Variants in AATF observed in about 807,000 individuals in gnomAD.
AATF encodes the protein protein AATF.
In AATF, 48 loss-of-function variants were observed where a neutral mutation model predicts 63.7. That is an observed-to-expected ratio of 0.75 (90% CI 0.60 to 0.96). AATF has a LOEUF of 0.96. AATF is among the 40% of genes least tolerant of loss of function. AATF has a pLI of 0.00. For missense variants in AATF, 639 were observed against 685.7 expected (o/e 0.93, Z 0.76); for synonymous variants, 258 against 247.7 (o/e 1.04, Z -0.39).
intron 8 of AATF, among the ~76,000 whole-genome samples, chr17:37,001,459 A>G (rs867849455): frequency 2.2e-4 from 27 of 122,786 alleles, no homozygotes; most frequent in Admixed American, 5.8e-4. Context: ...AAGGAAGAAA[A>G]AAAAAAAAAA....
intron 1 of AATF, among the ~76,000 whole-genome samples, chr17:36,949,443 C>G (rs1211656718): frequency 6.6e-6 from 1 of 152,238 alleles, no homozygotes; most frequent in Non-Finnish European, 1.5e-5. Context: ...CGGAACAGAT[C>G]GAGGGCTCAG....
At chr17:37,041,235 A>G (rs1237084312) in intron 11 of AATF, among the ~76,000 whole-genome samples, 1 of 152,178 alleles carries the variant, frequency 6.6e-6, no homozygotes, top group Non-Finnish European at 1.5e-5. Context: ...TTTTAAAAGC[A>G]TTTTAATAAC....
intron 8 of AATF, among the ~76,000 whole-genome samples, chr17:36,995,071 A>G (rs2071244304): frequency 6.6e-6 from 1 of 152,232 alleles, no homozygotes; most frequent in African/African-American, 2.4e-5. Context: ...TTAGATGTTG[A>G]CAGATCAATA....
chr17:36,960,824 G>C (rs1183466146), intron 4 of AATF, among the ~76,000 whole-genome samples: 1 of 152,226 alleles, frequency 6.6e-6, no homozygotes, highest in Non-Finnish European at 1.5e-5. Flanking sequence ...CCAAGATGAT[G>C]TGAGTAAGAT....
At chr17:36,966,092 G>T (rs1415658597) in intron 4 of AATF, among the ~76,000 whole-genome samples, 4 of 151,730 alleles carry the variant, frequency 2.6e-5, no homozygotes, top group Admixed American at 6.6e-5. Context: ...CATTTTCTCT[G>T]TTCTCCTAGA....
intron 11 of AATF, among the ~76,000 whole-genome samples, chr17:37,039,598 A>AC (rs1274987239): frequency 2.0e-5 from 3 of 151,910 alleles, no homozygotes; most frequent in East Asian, 1.9e-4. Flanking sequence ...CACACGTTTG[A>AC]CCCCCCAGCA....
Position 36,953,101 on chromosome 17 carries a change from C to T in AATF, c.499C>T (p.Leu167Phe). 2 of 1,614,052 alleles carry T rather than the reference C, an allele frequency of 1.2e-6. No homozygotes were observed. Among genetic ancestry groups the T allele is most frequent in the Admixed American group, 1.7e-5 (1 of 60,006 alleles). Residue 167 changes from leucine to phenylalanine, a missense_variant, in exon 3 of 12, where the codon CTT (leucine) becomes TTT (phenylalanine). Leu to Phe is a conservative substitution (Grantham distance 22, BLOSUM62 0). Coordinates refer to ENST00000619387, the MANE Select transcript of AATF (RefSeq NM_012138.4). ...FEKFTKGMDD[L>F]GSSEEEEDEE... ...GAAATTTACCAAGGGAATGGATGAC[C>T]TTGGGAGCAGTGAGGAGGAGGAAGA...
chr17:37,027,612 A>C (rs2071520417), intron 10 of AATF, among the ~76,000 whole-genome samples: 1 of 152,228 alleles, frequency 6.6e-6, no homozygotes, highest in African/African-American at 2.4e-5. Flanking sequence ...AAAAAGAAAA[A>C]GATGAACTTA....
intron 11 of AATF, chr17:37,045,390 C>G (rs1164159931): frequency 2.0e-5 from 3 of 152,316 alleles, no homozygotes; most frequent in Admixed American, 1.3e-4. Context: ...AGCCATGGGC[C>G]CCAGGGTGTT....
At chr17:37,037,511 A>G (rs1261609311) in intron 11 of AATF, among the ~76,000 whole-genome samples, 2 of 152,152 alleles carry the variant, frequency 1.3e-5, no homozygotes, top group Non-Finnish European at 1.5e-5. Context: ...AAGTTATTCT[A>G]AGCTCATCAA....
chr17:36,950,070 G>T, intron 1 of AATF, 144 bp from the exon 2 acceptor site: 1 of 875,892 alleles, frequency 1.1e-6, no homozygotes, highest in East Asian at 2.5e-5. Flanking sequence ...TTCTACTTTG[G>T]GAGAGAGTGA....
At chr17:36,962,380 G>A (rs2070954565) in intron 4 of AATF, among the ~76,000 whole-genome samples, 1 of 152,168 alleles carries the variant, frequency 6.6e-6, no homozygotes, top group African/African-American at 2.4e-5. Flanking sequence ...GAATGAGGAG[G>A]GGAGTGTCAG....
At chr17:36,986,881 A>G (rs1005631384) in intron 5 of AATF, 150 bp downstream of exon 5, 7 of 667,776 alleles carry the variant, frequency 1.0e-5, no homozygotes, top group African/African-American at 1.8e-5. Flanking sequence ...GATGGCACAT[A>G]AGTTGGTGAT....
rs1318286307 is a variant in AATF, at chr17:37,032,317, A to G, written c.1619+632A>G. Reference sequence around the variant, plus strand: ...GACTCATGTTTTCCTATTTTATTCAATGAGTTATGTTTATTTTGATATTAA... The same window carrying G: ...GACTCATGTTTTCCTATTTTATTCAGTGAGTTATGTTTATTTTGATATTAA... On this transcript the variant is annotated intron_variant, in intron 11 of 11. Coordinates refer to ENST00000619387, the MANE Select transcript of AATF (RefSeq NM_012138.4). 3.3e-5 allele frequency among the ~76,000 whole-genome samples: 5 copies of G among 152,144 alleles called. No individual in the cohort carries two copies. In the East Asian group the frequency reaches 9.6e-4, roughly 29 times the overall value.
chr17:36,991,357 TATA>T (rs1310597017), intron 8 of AATF, among the ~76,000 whole-genome samples: 4 of 152,330 alleles, frequency 2.6e-5, no homozygotes, highest in African/African-American at 7.2e-5. Flanking sequence ...AACTGTTGAT[TATA>T]ATAAGAGCAT....
chr17:37,046,634 C>T (rs2071693866), intron 11 of AATF, among the ~76,000 whole-genome samples: 1 of 151,902 alleles, frequency 6.6e-6, no homozygotes, highest in Non-Finnish European at 1.5e-5. Context: ...TAGCAGAGTG[C>T]CTTGCCAAAA....
intron 4 of AATF, among the ~76,000 whole-genome samples, chr17:36,965,346 G>A (rs553003018): frequency 1.3e-5 from 2 of 152,200 alleles, no homozygotes; most frequent in South Asian, 4.2e-4. Flanking sequence ...TTTAAAACCA[G>A]CAATTCCATC....
chr17:36,955,179 A>T (rs116650423), intron 4 of AATF, among the ~76,000 whole-genome samples: 1 of 152,320 alleles, frequency 6.6e-6, no homozygotes, highest in African/African-American at 2.4e-5. Context: ...AAGGGACCTG[A>T]GGAGGATATC....
At chr17:37,028,897 T>C (rs1247723296) in intron 10 of AATF, among the ~76,000 whole-genome samples, 1 of 152,224 alleles carries the variant, frequency 6.6e-6, no homozygotes, top group Non-Finnish European at 1.5e-5. Flanking sequence ...ATAAATTGTT[T>C]ATGGGACATT....
Sources: gnomAD v4.1 joint callset for allele counts (sites outside exome capture counted in the v4.1 genomes callset) on GRCh38, gnomAD v4.1.1 for gene constraint, MANE v1.5 for transcripts, NCBI Gene and HGNC (gene_info 2026-07-23, HGNC 2026-07-21) for gene names.